MAP4: variants seen among roughly 807,000 people sequenced by gnomAD.
MAP4 encodes the protein microtubule associated protein 4.
MAP4 carries 76 observed loss-of-function variants against 170.2 expected under a neutral mutation model. The observed-to-expected ratio is 0.45, with a 90% CI of 0.37 to 0.54. The LOEUF (loss-of-function observed/expected upper bound fraction) is 0.54, where lower values mean the gene tolerates loss of function less well. Ranked by LOEUF, MAP4 falls within the 20% of genes least tolerant of loss-of-function variation. MAP4 has a pLI of 0.00. For synonymous variants in MAP4, 909 were observed against 994.5 expected, an observed-to-expected ratio of 0.91 and a Z score of 1.62; for missense variants, 2,506 against 2,748.0, an observed-to-expected ratio of 0.91 and a Z score of 1.97.
At chr3:48,069,651 T>C (rs2100140022) in intron 1 of MAP4, among the ~76,000 whole-genome samples, 1 of 152,238 alleles carries the variant, frequency 6.6e-6, no homozygotes, top group Admixed American at 6.5e-5. Context: ...CACAAAGTTA[T>C]TCAGAATATC....
chr3:47,870,168 C>T (rs1005745287), intron 15 of MAP4, among the ~76,000 whole-genome samples: 2 of 152,298 alleles, frequency 1.3e-5, no homozygotes, highest in Middle Eastern at 3.4e-3. Flanking sequence ...CACCTTTTCA[C>T]GCAGAGTTCC....
chr3:48,013,495 C>T (rs2100106363), intron 1 of MAP4: 1 of 152,018 alleles, frequency 6.6e-6, no homozygotes, highest in Admixed American at 6.6e-5. Flanking sequence ...AATGAGTCAC[C>T]TTTCAGGGCT....
At chr3:47,905,171 G>A (rs752571635) in intron 9 of MAP4, among the ~76,000 whole-genome samples, 2 of 152,068 alleles carry the variant, frequency 1.3e-5, no homozygotes, top group Non-Finnish European at 2.9e-5. Flanking sequence ...TATGCTGTTC[G>A]ACAGAAAAAC....
chr3:48,045,508 G>A (rs1246000956), intron 1 of MAP4, among the ~76,000 whole-genome samples: 1 of 152,066 alleles, frequency 6.6e-6, no homozygotes, highest in Non-Finnish European at 1.5e-5. Flanking sequence ...TCCAATGCCT[G>A]ATGATCTTCT....
chr3:47,869,413 C>T, intron 15 of MAP4, 86 bp from the exon 16 acceptor site: 1 of 888,360 alleles, frequency 1.1e-6, no homozygotes, highest in South Asian at 1.4e-5. Flanking sequence ...GTAGGGGACT[C>T]AAATCCAGGT....
At chr3:48,066,754 G>A (rs1474873461) in intron 1 of MAP4, among the ~76,000 whole-genome samples, 1 of 148,280 alleles carries the variant, frequency 6.7e-6, no homozygotes, top group African/African-American at 2.5e-5. Context: ...CATGAATACC[G>A]AGGGACAACT....
intron 1 of MAP4, among the ~76,000 whole-genome samples, chr3:48,053,369 C>CA (rs5848846): frequency 0.72 from 110,063 of 152,002 alleles, 40,178 homozygotes; most frequent in African/African-American, 0.82. Flanking sequence ...TTCATTGAAA[C>CA]AACACTGCTA....
At chr3:47,917,580 C>T (rs1163779339) in intron 6 of MAP4, among the ~76,000 whole-genome samples, 5 of 125,490 alleles carry the variant, frequency 4.0e-5, no homozygotes, top group East Asian at 2.2e-4. Context: ...GGCAAGAGTC[C>T]GTCTCAAAAA....
chr3:48,067,067 T>C (rs1392527608), intron 1 of MAP4, among the ~76,000 whole-genome samples: 5 of 151,884 alleles, frequency 3.3e-5, no homozygotes, highest in Non-Finnish European at 7.4e-5. Flanking sequence ...GTCTCGATCT[T>C]CTGACCTGGT....
chr3:47,885,892 C>T (rs2097520349), intron 10 of MAP4, among the ~76,000 whole-genome samples: 1 of 152,298 alleles, frequency 6.6e-6, no homozygotes, highest in East Asian at 1.9e-4. Context: ...CCACGCCCAA[C>T]TAATTCTTTG....
At chr3:48,004,847 C>T (rs1007559644) in intron 1 of MAP4, among the ~76,000 whole-genome samples, 3 of 152,128 alleles carry the variant, frequency 2.0e-5, no homozygotes, top group Admixed American at 6.6e-5. Flanking sequence ...CCCCCATCCC[C>T]GCCATCAACC....
chr3:48,081,392 A>C (rs1016632478), intron 1 of MAP4, among the ~76,000 whole-genome samples: 3 of 152,144 alleles, frequency 2.0e-5, no homozygotes, highest in African/African-American at 4.8e-5. Context: ...AAATGATTTC[A>C]TCTCTCTACC....
At chr3:47,986,637 G>A (rs535357535) in intron 2 of MAP4, among the ~76,000 whole-genome samples, 3 of 152,058 alleles carry the variant, frequency 2.0e-5, no homozygotes, top group Non-Finnish European at 2.9e-5. Flanking sequence ...CCCGGGTCCC[G>A]GTCCCCTGCT....
chr3:47,944,715 GCA>G (rs1243113842), intron 3 of MAP4, among the ~76,000 whole-genome samples: 3 of 151,668 alleles, frequency 2.0e-5, no homozygotes, highest in Non-Finnish European at 4.4e-5. Flanking sequence ...CTGGCTATGA[GCA>G]CAGTTAAATC....
chr3:48,035,811 A>T (rs1301466135), intron 1 of MAP4, among the ~76,000 whole-genome samples: 1 of 151,632 alleles, frequency 6.6e-6, no homozygotes, highest in African/African-American at 2.4e-5. Flanking sequence ...GTGGTGGCAC[A>T]CACCTGTAAT....
intron 1 of MAP4, among the ~76,000 whole-genome samples, chr3:48,081,522 C>CAT (rs1264595726): frequency 6.6e-6 from 1 of 151,672 alleles, no homozygotes; most frequent in Non-Finnish European, 1.5e-5. Context: ...TTTTTTACTT[C>CAT]ATATATATAT....
At chr3:48,002,225 A>T (rs2100099548) in intron 1 of MAP4, among the ~76,000 whole-genome samples, 1 of 150,056 alleles carries the variant, frequency 6.7e-6, no homozygotes, top group South Asian at 2.1e-4. Context: ...TGGGTGACAG[A>T]GCAAGACTCT....
At chr3:47,918,292 G>T in intron 6 of MAP4, among the ~76,000 whole-genome samples, 1 of 151,504 alleles carries the variant, frequency 6.6e-6, no homozygotes, top group Non-Finnish European at 1.5e-5. Context: ...ACCAATTTTT[G>T]TATTTTTTGT....
At chr3:48,072,212 C>CTAA (rs1465477278) in intron 1 of MAP4, among the ~76,000 whole-genome samples, 1 of 151,286 alleles carries the variant, frequency 6.6e-6, no homozygotes, top group Non-Finnish European at 1.5e-5. Flanking sequence ...ACTACTACTA[C>CTAA]TAATAATAAA....
Sources: allele counts gnomAD v4.1 joint callset (sites outside exome capture counted in the v4.1 genomes callset), GRCh38; gene constraint gnomAD v4.1.1; transcripts MANE v1.5; gene names NCBI Gene and HGNC (gene_info 2026-07-23, HGNC 2026-07-21).